Variants in VPS50 observed in about 807,000 individuals in gnomAD.
VPS50 encodes syndetin.
Under a neutral mutation model 139.7 loss-of-function variants are expected in VPS50, and 70 were observed. The observed-to-expected ratio is 0.50, with a 90% CI of 0.41 to 0.61. The LOEUF is 0.61. Ranked by LOEUF, VPS50 falls within the 20% of genes least tolerant of loss-of-function variation. The pLI, the probability that VPS50 is intolerant of heterozygous loss-of-function variation, is 0.00. For synonymous variants in VPS50, 365 were observed against 376.7 expected (o/e 0.97, Z 0.36); for missense variants, 921 against 1,133.7 (o/e 0.81, Z 2.69).
intron 2 of VPS50, chr7:93,246,183 G>A (rs1795148123): frequency 5.4e-6 from 6 of 1,106,978 alleles, no homozygotes; most frequent in Admixed American, 4.7e-5. Flanking sequence ...TTATGTTGAC[G>A]AATGAAGAAA....
chr7:93,325,306 G>T (rs964261908), intron 21 of VPS50, among the ~76,000 whole-genome samples: 1 of 151,998 alleles, frequency 6.6e-6, no homozygotes, highest in Non-Finnish European at 1.5e-5. Context: ...AATTCAAGAT[G>T]GATTAAAGAC....
chr7:93,252,185 A>G (rs1362024980), intron 2 of VPS50, among the ~76,000 whole-genome samples: 1 of 152,170 alleles, frequency 6.6e-6, no homozygotes, highest in Admixed American at 6.5e-5. Context: ...TTAGCTGAGT[A>G]CTGAGATTTT....
At chr7:93,354,731 C>T (rs1798655362) in intron 26 of VPS50, among the ~76,000 whole-genome samples, 1 of 152,028 alleles carries the variant, frequency 6.6e-6, no homozygotes, top group Non-Finnish European at 1.5e-5. Context: ...GTAATTTTCC[C>T]ACTTACTCAG....
At chr7:93,334,227 G>T in intron 22 of VPS50, 30 bp downstream of exon 22, 2 of 1,214,004 alleles carry the variant, frequency 1.6e-6, no homozygotes, top group South Asian at 1.3e-5. Flanking sequence ...AAATTCTTTT[G>T]GATTATATAA....
chr7:93,358,754 A>AAT lies in VPS50; in HGVS notation c.*323_*324dup, dbSNP rs1177902753. ...TATATAATTAGAAGAACAGTGGCTT[A>AAT]ATATATGTATGGGAAGTTTATGGAA... On this transcript the variant is annotated 3_prime_UTR_variant, in exon 28 of 28. Coordinates refer to ENST00000305866, the MANE Select transcript of VPS50 (RefSeq NM_017667.4). The AAT allele has an allele frequency of 1.6e-5, 3 of 190,386 alleles. No homozygotes were observed. Among genetic ancestry groups the AAT allele is most frequent in the African/African-American group, 7.0e-5 (3 of 42,920 alleles). The allele number at this position is 190,386 out of a possible 1,614,324, so 11.8% of individuals were successfully genotyped here.
At chr7:93,251,315 G>A (rs1312103890) in intron 2 of VPS50, among the ~76,000 whole-genome samples, 1 of 152,144 alleles carries the variant, frequency 6.6e-6, no homozygotes, top group Non-Finnish European at 1.5e-5. Flanking sequence ...AGAAAATGTG[G>A]CACATATATA....
At chr7:93,279,993 A>C (rs1796274764) in intron 12 of VPS50, among the ~76,000 whole-genome samples, 1 of 152,148 alleles carries the variant, frequency 6.6e-6, no homozygotes, top group Admixed American at 6.5e-5. Context: ...CTAATTAAAA[A>C]AAAAAGAAAA....
In VPS50 at chr7:93,291,908, G is replaced by A. The variant is rs536947830; in HGVS notation, c.1075+73G>A. ...CCACATTACTGGAGTAAGAAGAAAG[G>A]AAAGGGGCAGGAATGCCTTTGGGAT... is the stretch of plus-strand genomic sequence containing the variant. On this transcript the variant is annotated intron_variant, in intron 13 of 27. Transcript: ENST00000305866. 4.9e-6 allele frequency: 5 copies of A among 1,023,970 alleles called. No homozygotes were observed. In the African/African-American group the frequency reaches 6.5e-5, roughly 13 times the overall value. 63.4% of individuals were successfully genotyped at this position (1,023,970 alleles called of 1,614,324 possible).
chr7:93,246,081 T>C lies in VPS50; in HGVS notation c.102+6147T>C, dbSNP rs571985661. 7 of 1,487,726 alleles carry C rather than the reference T, an allele frequency of 4.7e-6. No individual in the cohort carries two copies. The East Asian group carries it at 1.7e-4, about 37-fold the overall frequency. The allele number at this position is 1,487,726 out of a possible 1,614,324, so 92.2% of individuals were successfully genotyped here. On this transcript the variant is annotated intron_variant, in intron 2 of 27. Transcript: ENST00000305866. ...GTTTAGATTTTGGTCACTAAACGCT[T>C]CTTTTTTTTTTTGCTTTCAGTTAGA...
At chr7:93,296,479 G>T (rs947300590) in intron 14 of VPS50, among the ~76,000 whole-genome samples, 2 of 152,100 alleles carry the variant, frequency 1.3e-5, no homozygotes, top group African/African-American at 4.8e-5. Flanking sequence ...TGGTAATTCA[G>T]TGTACTTTGA....
At chr7:93,270,069 T>TC (rs1795958321) in intron 9 of VPS50, among the ~76,000 whole-genome samples, 1 of 152,044 alleles carries the variant, frequency 6.6e-6, no homozygotes, top group Admixed American at 6.6e-5. Flanking sequence ...TTGTTAGACA[T>TC]CACATCCTTT....
At chr7:93,296,197 T>C (rs1483668494) in intron 14 of VPS50, among the ~76,000 whole-genome samples, 3 of 152,178 alleles carry the variant, frequency 2.0e-5, no homozygotes, top group African/African-American at 7.2e-5. Flanking sequence ...TTAAAATTTA[T>C]TTTTGTGGTT....
chr7:93,276,536 CTT>C, intron 12 of VPS50: 1 of 533,782 alleles, frequency 1.9e-6, no homozygotes, highest in African/African-American at 1.9e-5. Flanking sequence ...TCAATCGACT[CTT>C]TACCATTTCA....
chr7:93,311,747 T>G (rs1797275277), intron 20 of VPS50, among the ~76,000 whole-genome samples: 1 of 152,142 alleles, frequency 6.6e-6, no homozygotes, highest in African/African-American at 2.4e-5. Context: ...TTGTAACAGA[T>G]AAGACCTTTA....
At chr7:93,281,620 T>C (rs902215920) in intron 12 of VPS50, among the ~76,000 whole-genome samples, 106 of 152,226 alleles carry the variant, frequency 7.0e-4, no homozygotes, top group African/African-American at 2.3e-3. Flanking sequence ...GTATGTTATT[T>C]ATATGTCTTT....
intron 15 of VPS50, 145 bp from the exon 16 acceptor site, chr7:93,297,000 A>C: frequency 6.9e-7 from 1 of 1,446,230 alleles, no homozygotes; most frequent in South Asian, 1.5e-5. Flanking sequence ...GGTGTTTGTA[A>C]ACCTTTATGG....
chr7:93,303,576 A>G lies in VPS50; in HGVS notation c.1452+26A>G, dbSNP rs141618858. ...GTAAGTGTTTCTTAAGAACAAAGAA[A>G]TCTGTCTTTTAGTAATGTATTTTAC... On this transcript the variant is annotated intron_variant, in intron 17 of 27. Transcript: ENST00000305866. 3.4e-5 allele frequency: 38 copies of G among 1,103,826 alleles called. No individual in the cohort carries two copies. In the African/African-American group the frequency reaches 5.1e-4, roughly 15 times the overall value. 68.4% of individuals were successfully genotyped at this position (1,103,826 alleles called of 1,614,324 possible). A position where few individuals can be genotyped will look rare whatever the true frequency, so the allele number is the denominator to read the frequency against.
In VPS50 at chr7:93,323,696, G is replaced by A; in HGVS notation, c.1941G>A (p.Leu647=). The A allele has an allele frequency of 2.1e-6, 3 of 1,422,082 alleles. No homozygotes were observed. Among genetic ancestry groups the A allele is most frequent in the African/African-American group, 1.5e-5 (1 of 67,772 alleles). 88.1% of individuals were successfully genotyped at this position (1,422,082 alleles called of 1,614,324 possible). The stretch of plus-strand genomic sequence containing the variant: ...TGTCTCAACTATTTGATTATTACTT[G>A]TATGCAATATATACCTTTTTTGGTC... ...HFMSQLFDYY[L]YAIYTFFGRN... Residue 647 remains leucine (L), a synonymous_variant, in exon 21 of 28, where the codon TTG becomes TTA. Transcript: ENST00000305866.
At chr7:93,276,088 C>A in intron 11 of VPS50, 77 bp from the exon 12 acceptor site, 2 of 1,319,794 alleles carry the variant, frequency 1.5e-6, no homozygotes, top group East Asian at 2.3e-5. Context: ...AGATGTTTCC[C>A]TGGGTTTTTT....
Sources: allele counts gnomAD v4.1 joint callset (sites outside exome capture counted in the v4.1 genomes callset), GRCh38; gene constraint gnomAD v4.1.1; transcripts MANE v1.5; gene names NCBI Gene and HGNC (gene_info 2026-07-23, HGNC 2026-07-21).